DPYSL3: variants seen among roughly 807,000 people sequenced by gnomAD.
DPYSL3 encodes the protein dihydropyrimidinase like 3.
DPYSL3 carries 16 observed loss-of-function variants against 66.1 expected under a neutral mutation model. The ratio of observed to expected loss-of-function variants is 0.24; its 90% CI spans 0.16 to 0.37. The LOEUF is 0.37. Ranked by LOEUF, DPYSL3 falls within the 10% of genes least tolerant of loss-of-function variation. The pLI, the probability that DPYSL3 is intolerant of heterozygous loss-of-function variation, is 1.00. For missense variants in DPYSL3, 738 were observed against 916.2 expected, an observed-to-expected ratio of 0.81 and a Z score of 2.51; for synonymous variants, 338 against 345.1, an observed-to-expected ratio of 0.98 and a Z score of 0.23.
intron 1 of DPYSL3, among the ~76,000 whole-genome samples, chr5:147,461,797 A>C (rs1402173738): frequency 6.6e-6 from 1 of 152,112 alleles, no homozygotes; most frequent in East Asian, 1.9e-4. Context: ...TCCACCTAGC[A>C]GTCATTTTCA....
chr5:147,502,142 C>T (rs1301415358), intron 1 of DPYSL3, among the ~76,000 whole-genome samples: 1 of 152,038 alleles, frequency 6.6e-6, no homozygotes, highest in Admixed American at 6.6e-5. Context: ...GCTGTGTTCT[C>T]ACCTGGTGCA....
At chr5:147,397,206 G>A (rs912614639) in intron 12 of DPYSL3, among the ~76,000 whole-genome samples, 2 of 139,872 alleles carry the variant, frequency 1.4e-5, no homozygotes, top group African/African-American at 5.5e-5. Flanking sequence ...ATATCTCTGT[G>A]TGTGTTTATA....
chr5:147,397,651 T>G lies in DPYSL3; in HGVS notation c.1803+15A>C. 1 of 1,610,628 alleles carries G rather than the reference T, an allele frequency of 6.2e-7. No homozygotes were observed. Among genetic ancestry groups the G allele is most frequent in the Non-Finnish European group, 8.5e-7 (1 of 1,177,378 alleles). On this transcript the variant is annotated intron_variant, in intron 12 of 13. Transcript: ENST00000343218. Reference sequence around the variant, plus strand: ...CAAAGCTCCTGCACCACCTCAGAGCTCCAATGCTTTTTACCTTCCTCCGTG... The same window carrying G: ...CAAAGCTCCTGCACCACCTCAGAGCGCCAATGCTTTTTACCTTCCTCCGTG...
rs1433302727 is a variant in DPYSL3 at position 147,480,131 on chromosome 5, G to A, written c.381+29347C>T. Among the ~76,000 whole-genome samples, 12 of 152,142 alleles carry A rather than the reference G, an allele frequency of 7.9e-5. No homozygotes were observed. In the East Asian group the frequency reaches 1.9e-3, roughly 24 times the overall value. On this transcript the variant is annotated intron_variant, in intron 1 of 13. Transcript: ENST00000343218. ...AAGTTCTGCAAACAGAAGGCAGCAC[G>A]TAGAGAATAAAAGGCGAAAGAAAGG...
intron 1 of DPYSL3, among the ~76,000 whole-genome samples, chr5:147,501,790 G>A (rs973569527): frequency 6.6e-6 from 1 of 152,004 alleles, no homozygotes; most frequent in East Asian, 1.9e-4. Context: ...ATGATGTGTC[G>A]ATGTAGGTTC....
At chr5:147,453,491 G>A in intron 1 of DPYSL3, 3 of 1,499,624 alleles carry the variant, frequency 2.0e-6, no homozygotes, top group Admixed American at 2.1e-5. Context: ...GACCCCGCCC[G>A]CAGCGCAGCG....
intron 1 of DPYSL3, among the ~76,000 whole-genome samples, chr5:147,494,796 ATGAACCCGGGAGGCAGAGCTTGCAG>A (rs1246257133): frequency 1.3e-5 from 2 of 150,450 alleles, no homozygotes; most frequent in Non-Finnish European, 3.0e-5. Context: ...GGAGAATGGC[ATGAACCCGGGAGGCAGAGCTTGCAG>A]TGAGCCGAGA....
intron 1 of DPYSL3, among the ~76,000 whole-genome samples, chr5:147,483,030 G>C (rs887345147): frequency 6.6e-6 from 1 of 152,180 alleles, no homozygotes; most frequent in African/African-American, 2.4e-5. Flanking sequence ...CTTCCCACCA[G>C]ATCTCTCGCT....
At chr5:147,456,581 A>ATTTTTT (rs985633099) in intron 1 of DPYSL3, among the ~76,000 whole-genome samples, 7 of 80,336 alleles carry the variant, frequency 8.7e-5, no homozygotes, top group East Asian at 4.2e-4. Flanking sequence ...TACTGATTCT[A>ATTTTTT]TTTTTTTTTT....
chr5:147,486,811 T>C (rs1753336003), intron 1 of DPYSL3, among the ~76,000 whole-genome samples: 1 of 152,234 alleles, frequency 6.6e-6, no homozygotes, highest in Admixed American at 6.5e-5. Context: ...GCTGAGTTAC[T>C]GACCTCTAAG....
intron 1 of DPYSL3, among the ~76,000 whole-genome samples, chr5:147,495,497 C>A (rs1753486511): frequency 6.6e-6 from 1 of 152,140 alleles, no homozygotes; most frequent in Non-Finnish European, 1.5e-5. Flanking sequence ...ATCTAGAAAA[C>A]CCCATCGTCT....
chr5:147,453,607 G>A (rs1424034362), intron 1 of DPYSL3: 19 of 1,531,352 alleles, frequency 1.2e-5, no homozygotes, highest in Admixed American at 2.0e-5. Flanking sequence ...GGTGGCTGCA[G>A]CGGCTGGCTC....
Position 147,412,640 on chromosome 5 carries a change from C to T in DPYSL3, c.931G>A (p.Val311Ile). 6.2e-7 allele frequency: 1 copy of T among 1,613,102 alleles called. No homozygotes were observed. The highest frequency in any genetic ancestry group is 8.5e-7 in the Non-Finnish European group (1 of 1,179,634). The change falls in exon 6 of 14, where the codon GTT (valine) becomes ATT (isoleucine). Residue 311 changes from valine (V) to isoleucine (I), a missense_variant. Transcript: ENST00000343218. ...CLGELGAIAQ[V>I]HAENGDIIAQ... ...ATGATATCCCCATTCTCAGCATGAA[C>T]TTGAGCAATGGCCCCCAGCTCTCCC...
At chr5:147,489,870 G>A (rs1173242795) in intron 1 of DPYSL3, among the ~76,000 whole-genome samples, 3 of 151,774 alleles carry the variant, frequency 2.0e-5, no homozygotes, top group African/African-American at 7.3e-5. Context: ...CATTATTTGG[G>A]TAATGGGCAA....
chr5:147,473,186 T>C (rs1753108805), intron 1 of DPYSL3: 1 of 152,226 alleles, frequency 6.6e-6, no homozygotes, highest in Non-Finnish European at 1.5e-5. Context: ...TAGGTTTCTA[T>C]CCAAAGATCT....
intron 1 of DPYSL3, among the ~76,000 whole-genome samples, chr5:147,448,544 G>A (rs1243586244): frequency 6.6e-6 from 1 of 152,184 alleles, no homozygotes; most frequent in African/African-American, 2.4e-5. Flanking sequence ...TTCCAAAGTA[G>A]TTGAGATTTT....
In DPYSL3 at chr5:147,509,947, G is replaced by C; in HGVS notation, c.-89C>G. ...CAGCGTGCGCCGAGCCACAGTGACT[G>C]TGGCGGGAGGAGGCGCCTGAGCCTT... is the stretch of plus-strand genomic sequence containing the variant. On this transcript the variant is annotated 5_prime_UTR_variant, in exon 1 of 14. Coordinates refer to ENST00000343218, the MANE Select transcript of DPYSL3 (RefSeq NM_001197294.2). The surrounding 1 kb of genome is among the most constrained non-coding windows in gnomAD (Gnocchi z 5.3). 7.0e-7 allele frequency: 1 copy of C among 1,435,914 alleles called. No individual in the cohort carries two copies. Among genetic ancestry groups the C allele is most frequent in the Non-Finnish European group, 9.1e-7 (1 of 1,098,514 alleles). 88.9% of individuals were successfully genotyped at this position (1,435,914 alleles called of 1,614,324 possible).
intron 1 of DPYSL3, among the ~76,000 whole-genome samples, chr5:147,440,741 C>T (rs1311662796): frequency 6.6e-6 from 1 of 152,152 alleles, no homozygotes; most frequent in Non-Finnish European, 1.5e-5. Context: ...TTCCAGGTCA[C>T]TGAGACTTTG....
chr5:147,397,862 G>C lies in DPYSL3; in HGVS notation c.1624-17C>G. Reference sequence around the variant, plus strand: ...CTCTGCCGCCTAGAGGCAGGGGTGAGAAGCAAAGCCACAGTAAGGGTAGAG... The same window carrying C: ...CTCTGCCGCCTAGAGGCAGGGGTGACAAGCAAAGCCACAGTAAGGGTAGAG... On this transcript the variant is annotated splice_polypyrimidine_tract_variant and intron_variant, in intron 11 of 13. Transcript: ENST00000343218. 1 of 1,583,064 alleles carries C rather than the reference G, an allele frequency of 6.3e-7. No homozygotes were observed. Among genetic ancestry groups the C allele is most frequent in the East Asian group, 2.3e-5 (1 of 44,044 alleles).
Sources: allele counts gnomAD v4.1 joint callset (sites outside exome capture counted in the v4.1 genomes callset), GRCh38; gene constraint gnomAD v4.1.1; non-coding constraint Gnocchi (gnomAD v3.1); transcripts MANE v1.5; gene names NCBI Gene and HGNC (gene_info 2026-07-23, HGNC 2026-07-21).